Variants in TCF12 observed in about 807,000 individuals in gnomAD.
TCF12 encodes transcription factor 12, also known as DNA-binding protein HTF4.
In TCF12, 45 loss-of-function variants were observed where a neutral mutation model predicts 86.0. That is an observed-to-expected ratio of 0.52 (90% CI 0.41 to 0.67). The LOEUF (loss-of-function observed/expected upper bound fraction) is 0.67. Among genes scored for constraint, TCF12 ranks in the 30% least tolerant of loss-of-function variants. TCF12 has a pLI of 0.00. For missense variants in TCF12, 881 were observed against 859.9 expected, an observed-to-expected ratio of 1.02 and a Z score of -0.31; for synonymous variants, 330 against 299.6, an observed-to-expected ratio of 1.10 and a Z score of -1.05.
chr15:56,924,668 G>A (rs1247668722), intron 3 of TCF12, among the ~76,000 whole-genome samples: 2 of 152,164 alleles, frequency 1.3e-5, no homozygotes, highest in African/African-American at 4.8e-5. Context: ...TTAGACATTT[G>A]TTTCAGGTAA....
At chr15:56,939,967 GTTTTTTTTTTTTTT>G (rs67832685) in intron 3 of TCF12, among the ~76,000 whole-genome samples, 3 of 104,720 alleles carry the variant, frequency 2.9e-5, no homozygotes, top group East Asian at 3.1e-4. Context: ...TTAATAGCGT[GTTTTTTTTTTTTTT>G]TTTTTTTTTT....
chr15:57,223,659 T>TTTTTTTGTTTTG (rs1566940885), intron 8 of TCF12, among the ~76,000 whole-genome samples: 1 of 144,508 alleles, frequency 6.9e-6, no homozygotes, highest in East Asian at 2.0e-4. Context: ...TTTTTTTTTT[T>TTTTTTTGTTTTG]TTTTTTTTTT....
chr15:57,215,360 C>G (rs1035062956), intron 8 of TCF12, among the ~76,000 whole-genome samples: 1 of 152,130 alleles, frequency 6.6e-6, no homozygotes, highest in Non-Finnish European at 1.5e-5. Flanking sequence ...TCACTATCCT[C>G]TTAAATCTAT....
intron 18 of TCF12, among the ~76,000 whole-genome samples, chr15:57,271,016 C>T (rs574061220): frequency 3.9e-5 from 6 of 152,280 alleles, no homozygotes; most frequent in East Asian, 3.9e-4. Context: ...TCAGGCTACA[C>T]GGGGGTCAGG....
At chr15:57,015,604 A>G (rs1343026986) in intron 3 of TCF12, among the ~76,000 whole-genome samples, 8 of 152,194 alleles carry the variant, frequency 5.3e-5, no homozygotes, top group African/African-American at 1.7e-4. Flanking sequence ...CAGGCCCTTC[A>G]TGGTTGACAC....
At chr15:57,162,658 A>G (rs540797416) in intron 5 of TCF12, among the ~76,000 whole-genome samples, 1 of 152,322 alleles carries the variant, frequency 6.6e-6, no homozygotes, top group African/African-American at 2.4e-5. Flanking sequence ...TTATGAAAGG[A>G]TAAGGAATTT....
chr15:57,241,393 A>G (rs981512382), intron 12 of TCF12, among the ~76,000 whole-genome samples: 8 of 152,034 alleles, frequency 5.3e-5, no homozygotes, highest in South Asian at 2.1e-4. Context: ...CACCCGGCCT[A>G]TTATTGATCT....
At chr15:56,961,008 C>T (rs1024480728) in intron 3 of TCF12, among the ~76,000 whole-genome samples, 1 of 151,064 alleles carries the variant, frequency 6.6e-6, no homozygotes, top group Non-Finnish European at 1.5e-5. Flanking sequence ...GGTGTGGTGG[C>T]GGGCACCTGT....
At chr15:57,179,537 A>T (rs989405660) in intron 6 of TCF12, among the ~76,000 whole-genome samples, 7 of 147,982 alleles carry the variant, frequency 4.7e-5, no homozygotes, top group Admixed American at 1.4e-4. Context: ...CTCAAAAGAA[A>T]TTTTTTTTTT....
intron 5 of TCF12, among the ~76,000 whole-genome samples, chr15:57,115,122 T>C (rs1487654286): frequency 6.6e-6 from 1 of 152,216 alleles, no homozygotes; most frequent in Non-Finnish European, 1.5e-5. Flanking sequence ...AAATATTCTT[T>C]TGGGTTCTGT....
At chr15:57,069,236 T>A (rs2069161356) in intron 4 of TCF12, among the ~76,000 whole-genome samples, 1 of 152,186 alleles carries the variant, frequency 6.6e-6, no homozygotes, top group African/African-American at 2.4e-5. Flanking sequence ...TTGAGTTCAC[T>A]GATAGGAAAC....
chr15:57,075,927 G>A (rs550571672), intron 4 of TCF12, among the ~76,000 whole-genome samples: 35 of 148,352 alleles, frequency 2.4e-4, no homozygotes, highest in African/African-American at 7.5e-4. Context: ...ACAGTGACAC[G>A]ATCGTGGCCT....
intron 8 of TCF12, among the ~76,000 whole-genome samples, 187 bp from the exon 9 acceptor site, chr15:57,230,965 A>AT: frequency 6.6e-6 from 1 of 151,742 alleles, no homozygotes; most frequent in South Asian, 2.1e-4. Flanking sequence ...AAAAAAAAAA[A>AT]ACATGTGGAT....
At chr15:56,986,153 G>A (rs1029470787) in intron 3 of TCF12, among the ~76,000 whole-genome samples, 3 of 152,122 alleles carry the variant, frequency 2.0e-5, no homozygotes, top group Admixed American at 6.5e-5. Flanking sequence ...AAAAGACATA[G>A]CATGAGAACA....
chr15:56,987,950 A>G (rs1463937498), intron 3 of TCF12, among the ~76,000 whole-genome samples: 1 of 152,222 alleles, frequency 6.6e-6, no homozygotes, highest in Non-Finnish European at 1.5e-5. Flanking sequence ...CATTCAGTGT[A>G]AACCTATTTA....
chr15:57,192,418 T>G, intron 7 of TCF12, 125 bp downstream of exon 7: 1 of 1,295,390 alleles, frequency 7.7e-7, no homozygotes, highest in Non-Finnish European at 1.1e-6. Context: ...AGACAGCGTC[T>G]CACTCTGTTA....
chr15:56,947,457 C>T (rs145446831), intron 3 of TCF12, among the ~76,000 whole-genome samples: 13 of 152,306 alleles, frequency 8.5e-5, no homozygotes, highest in African/African-American at 3.1e-4. Flanking sequence ...CTGTCCCCTC[C>T]ATTCAGTATG....
intron 20 of TCF12, among the ~76,000 whole-genome samples, chr15:57,284,191 TTTG>T (rs1364719319): frequency 9.2e-5 from 14 of 152,114 alleles, no homozygotes; most frequent in African/African-American, 1.9e-4. Flanking sequence ...CTGGGATTTT[TTTG>T]TTGTTGTTGT....
chr15:56,998,039 T>C (rs1451915212), intron 3 of TCF12, among the ~76,000 whole-genome samples: 1 of 152,166 alleles, frequency 6.6e-6, no homozygotes, highest in Non-Finnish European at 1.5e-5. Flanking sequence ...AATTTAAAAA[T>C]AGATGAAGCA....
Sources: allele counts gnomAD v4.1 joint callset (sites outside exome capture counted in the v4.1 genomes callset), GRCh38; gene constraint gnomAD v4.1.1; transcripts MANE v1.5; gene names NCBI Gene and HGNC (gene_info 2026-07-23, HGNC 2026-07-21).